The following WWC2 variants were observed in gnomAD, a reference collection of about 807,000 sequenced individuals.
WWC2 encodes the protein WW and C2 domain containing 2, also known as protein WWC2.
WWC2 carries 101 observed loss-of-function variants against 138.5 expected under a neutral mutation model. The ratio of observed to expected loss-of-function variants is 0.73; its 90% CI spans 0.62 to 0.86. WWC2 has a LOEUF of 0.86. Ranked by LOEUF, WWC2 falls within the 40% of genes least tolerant of loss-of-function variation. WWC2 has a pLI of 0.00. For synonymous variants in WWC2, 558 were observed against 538.4 expected (o/e 1.04, Z -0.50); for missense variants, 1,420 against 1,419.4 (o/e 1.00, Z -0.01).
intron 1 of WWC2, among the ~76,000 whole-genome samples, chr4:183,153,805 C>A (rs1290638803): frequency 6.6e-6 from 1 of 151,396 alleles, no homozygotes; most frequent in Non-Finnish European, 1.5e-5. Context: ...GCCATCACGC[C>A]CAGCTAATTT....
intron 1 of WWC2, among the ~76,000 whole-genome samples, chr4:183,182,836 T>G (rs1734675407): frequency 6.6e-6 from 1 of 152,248 alleles, no homozygotes; most frequent in African/African-American, 2.4e-5. Context: ...TTCATGTTGT[T>G]ATTTGAATAA....
At position 183,265,087 on chromosome 4, in the gene WWC2, C is replaced by CT; in HGVS notation, c.2020dup (p.Tyr674LeufsTer2). On this transcript the variant is annotated frameshift_variant, in exon 12 of 23. Coordinates refer to ENST00000403733, the MANE Select transcript of WWC2 (RefSeq NM_024949.6). LOFTEE classifies it high-confidence loss of function. Reference sequence around the variant, plus strand: ...AGTCTGTGGCTGGAGACAGTGGGGTCTATGAAGCTTTCGTGAAACAGTAAG... The same window carrying CT: ...AGTCTGTGGCTGGAGACAGTGGGGTCTTATGAAGCTTTCGTGAAACAGTAAG... 1 of 1,609,004 alleles carries CT rather than the reference C, an allele frequency of 6.2e-7. No homozygotes were observed. The highest frequency in any genetic ancestry group is 8.5e-7 in the Non-Finnish European group (1 of 1,177,854).
At chr4:183,111,133 G>A (rs28492073) in intron 1 of WWC2, among the ~76,000 whole-genome samples, 1,946 of 152,190 alleles carry the variant, frequency 0.013, 43 homozygotes, top group African/African-American at 0.044. Context: ...CCAGCTCTTC[G>A]GGAGGCTGAG....
chr4:183,315,542 G>C (rs942321282), intron 22 of WWC2, 121 bp from the exon 23 acceptor site: 1 of 646,164 alleles, frequency 1.5e-6, no homozygotes, highest in Non-Finnish European at 2.6e-6. Context: ...GTAAGGAAAA[G>C]AGCTTCTACC....
intron 6 of WWC2, among the ~76,000 whole-genome samples, chr4:183,247,188 G>A (rs80043144): frequency 0.055 from 8,373 of 151,464 alleles, 354 homozygotes; most frequent in Non-Finnish European, 0.085. Context: ...GCATGCACGC[G>A]CACACACACA....
intron 1 of WWC2, among the ~76,000 whole-genome samples, chr4:183,129,035 A>G (rs984702984): frequency 1.3e-5 from 2 of 152,236 alleles, no homozygotes; most frequent in South Asian, 4.1e-4. Context: ...TTGGCTCAAC[A>G]TAAGCAAAGA....
chr4:183,100,204 T>C (rs1743129551), intron 1 of WWC2, among the ~76,000 whole-genome samples: 1 of 152,018 alleles, frequency 6.6e-6, no homozygotes, highest in Non-Finnish European at 1.5e-5. Flanking sequence ...AAAACGCGCG[T>C]TTGGGGGTTT....
At chr4:183,188,866 G>A (rs1158264693) in intron 1 of WWC2, among the ~76,000 whole-genome samples, 2 of 151,672 alleles carry the variant, frequency 1.3e-5, no homozygotes, top group East Asian at 2.0e-4. Context: ...GGCTGGTCTC[G>A]AACTCCTGAC....
At position 183,300,824 on chromosome 4, in the gene WWC2, ACAT is replaced by A. The variant is rs1738811713; in HGVS notation, c.3384+11192_3384+11194del. Among the ~76,000 whole-genome samples the A allele has an allele frequency of 2.0e-5, 3 of 152,118 alleles. No individual in the cohort carries two copies. In the South Asian group the frequency reaches 6.2e-4, roughly 32 times the overall value. On this transcript the variant is annotated intron_variant, in intron 21 of 22. Transcript: ENST00000403733. ...ACCATAGAAATGCTAGAAGTTGAAA[ACAT>A]CAGCAGCCATTACACTACTTAGAGG...
intron 21 of WWC2, among the ~76,000 whole-genome samples, chr4:183,311,722 GC>G (rs1739250838): frequency 6.6e-6 from 1 of 151,798 alleles, no homozygotes; most frequent in Non-Finnish European, 1.5e-5. Flanking sequence ...GACTACAGGT[GC>G]CCACCACCAC....
intron 22 of WWC2, among the ~76,000 whole-genome samples, chr4:183,313,029 G>A (rs565843931): frequency 3.3e-5 from 5 of 152,136 alleles, no homozygotes; most frequent in Admixed American, 2.0e-4. Context: ...CTGGGGCTGC[G>A]GGCACCAGCA....
rs146547849 is a variant in WWC2, at chr4:183,243,566, G to A, written c.603-1850G>A. On this transcript the variant is annotated intron_variant, in intron 5 of 22. Transcript: ENST00000403733. ...ACTAGTCCCATCAGATATTCTAAAT[G>A]TGGTAGTCATAAGAGCCCCAGTTCT... Among the ~76,000 whole-genome samples the A allele has an allele frequency of 7.4e-3, 1,131 of 152,242 alleles. 12 individuals carry two copies. Among genetic ancestry groups the A allele is most frequent in the African/African-American group, 0.026 (1,086 of 41,530 alleles).
chr4:183,185,622 A>AT (rs1202909604), intron 1 of WWC2, among the ~76,000 whole-genome samples: 1 of 151,882 alleles, frequency 6.6e-6, no homozygotes, highest in African/African-American at 2.4e-5. Flanking sequence ...ACTAGACTTT[A>AT]TTTTTTACTT....
At chr4:183,113,529 C>T (rs950739716) in intron 1 of WWC2, among the ~76,000 whole-genome samples, 3 of 148,038 alleles carry the variant, frequency 2.0e-5, no homozygotes, top group African/African-American at 7.4e-5. Context: ...CGCGCGTGCG[C>T]GCGCACATGC....
intron 1 of WWC2, among the ~76,000 whole-genome samples, chr4:183,109,717 G>A (rs1377456181): frequency 2.0e-5 from 3 of 152,174 alleles, no homozygotes; most frequent in Non-Finnish European, 4.4e-5. Context: ...GCCATTGACC[G>A]GTACCAGTCT....
intron 14 of WWC2, among the ~76,000 whole-genome samples, chr4:183,267,377 G>A (rs537731070): frequency 6.6e-6 from 1 of 152,298 alleles, no homozygotes; most frequent in South Asian, 2.1e-4. Context: ...GCGGTGTCCA[G>A]GAAGACTGGC....
At chr4:183,195,088 G>T (rs1245425255) in intron 2 of WWC2, among the ~76,000 whole-genome samples, 4 of 152,102 alleles carry the variant, frequency 2.6e-5, no homozygotes, top group African/African-American at 9.7e-5. Context: ...GTTTTATTGT[G>T]TATCAGTCAC....
intron 1 of WWC2, among the ~76,000 whole-genome samples, chr4:183,107,268 C>G (rs1743397292): frequency 6.6e-6 from 1 of 152,022 alleles, no homozygotes. Flanking sequence ...TTCAACAGAT[C>G]CTCCCACCTC....
chr4:183,132,210 A>G (rs372932491), intron 1 of WWC2, among the ~76,000 whole-genome samples: 2 of 152,224 alleles, frequency 1.3e-5, no homozygotes, highest in Admixed American at 6.5e-5. Context: ...GCTTATCCTT[A>G]ATCCTTTTAT....
Sources: allele counts gnomAD v4.1 joint callset (sites outside exome capture counted in the v4.1 genomes callset), GRCh38; gene constraint gnomAD v4.1.1; transcripts MANE v1.5; gene names NCBI Gene and HGNC (gene_info 2026-07-23, HGNC 2026-07-21).